FAN1: variants seen among roughly 807,000 people sequenced by gnomAD.
FAN1 encodes FANCD2 and FANCI associated nuclease 1.
A neutral mutation model predicts 104.9 loss-of-function variants in FAN1; 91 were observed. That is an observed-to-expected ratio of 0.87 (90% confidence interval 0.73 to 1.03). The LOEUF is 1.03. Ranked by LOEUF, FAN1 falls within the 50% of genes least tolerant of loss-of-function variation. FAN1 has a pLI of 0.00. For missense variants in FAN1, 1,263 were observed against 1,239.9 expected (o/e 1.02, Z -0.28); for synonymous variants, 478 against 457.6 (o/e 1.04, Z -0.57).
rs761516461 is a variant in FAN1, at chr15:30,913,967, G to A, written c.1687G>A (p.Ala563Thr). The A allele has an allele frequency of 9.3e-6, 15 of 1,614,112 alleles. No individual in the cohort carries two copies. In the South Asian group the frequency reaches 9.9e-5, roughly 11 times the overall value. The stretch of plus-strand genomic sequence containing the variant: ...GACCGACTCAATGGAAGATGAAGAC[G>A]CCGCTTGTGGAGGTCAGGGACAGCT... ...SLTDSMEDED[A>T]ACGGQGQLST... The change falls in exon 5 of 15, where the codon GCC becomes ACC. Residue 563 changes from alanine (A) to threonine (T), a missense_variant. Physicochemically the swap from Ala to Thr is moderately conservative, Grantham distance 58 (BLOSUM62 0). Transcript: ENST00000362065.
At chr15:30,922,209 A>G in intron 7 of FAN1, 26 bp from the exon 8 acceptor site, 2 of 1,597,424 alleles carry the variant, frequency 1.3e-6, no homozygotes, top group Non-Finnish European at 1.7e-6. Flanking sequence ...GAATCTAATG[A>G]GGTTTCTTTG....
Position 30,928,613 on chromosome 15 carries a change from T to A in FAN1, c.2549T>A (p.Ile850Asn). Residue 850 changes from isoleucine to asparagine, a missense_variant, in exon 11 of 15, where the codon ATC becomes AAC. Transcript: ENST00000362065. ...TLYGLLLWDI[I>N]FMDGIPDVFR... ...TATGGCCTCCTCCTGTGGGACATCA[T>A]CTTCATGGATGGGATTCCGGATGTC... The A allele has an allele frequency of 6.2e-7, 1 of 1,613,360 alleles. No homozygotes were observed. Among genetic ancestry groups the A allele is most frequent in the Non-Finnish European group, 8.5e-7 (1 of 1,179,856 alleles).
chr15:30,927,443 GA>G (rs2062493509), intron 10 of FAN1: 1 of 985,536 alleles, frequency 1.0e-6, no homozygotes, highest in African/African-American at 1.7e-5. Flanking sequence ...CTGCAGGGAT[GA>G]GGGGCTAGAA....
At chr15:30,935,309 AAAAAAAAG>A (rs1241880449) in intron 13 of FAN1, among the ~76,000 whole-genome samples, 5 of 151,890 alleles carry the variant, frequency 3.3e-5, no homozygotes, top group African/African-American at 1.2e-4. Flanking sequence ...CCTTGTCTCA[AAAAAAAAG>A]AAAAAAAGAA....
chr15:30,924,211 T>C (rs1218308042), intron 8 of FAN1, among the ~76,000 whole-genome samples: 2 of 152,246 alleles, frequency 1.3e-5, no homozygotes, highest in Non-Finnish European at 2.9e-5. Flanking sequence ...ACACTTCCAC[T>C]GTAGCATCTG....
In FAN1 at chr15:30,941,868, G is replaced by A. The variant is rs2140986766; in HGVS notation, c.*306G>A. On this transcript the variant is annotated 3_prime_UTR_variant, in exon 15 of 15. Transcript: ENST00000362065. Reference sequence around the variant, plus strand: ...ATGTGTGTTCCAGAGACACGTGGCAGAATAACACCGTGCAGGTTGGCGGGT... The same window carrying A: ...ATGTGTGTTCCAGAGACACGTGGCAAAATAACACCGTGCAGGTTGGCGGGT... 9 of 1,614,056 alleles carry A rather than the reference G, an allele frequency of 5.6e-6. No individual in the cohort carries two copies. The East Asian group carries it at 2.0e-4, about 36-fold the overall frequency.
chr15:30,929,805 A>T (rs1231019156), intron 12 of FAN1, among the ~76,000 whole-genome samples: 1 of 72,406 alleles, frequency 1.4e-5, no homozygotes, highest in African/African-American at 7.3e-5. Context: ...ATAATATATA[A>T]AATATATAAT....
chr15:30,927,378 G>A (rs1358294790), intron 10 of FAN1: 1 of 985,530 alleles, frequency 1.0e-6, no homozygotes, highest in Non-Finnish European at 1.2e-6. Flanking sequence ...TGGAAGACTT[G>A]GCAACAGCCA....
At position 30,942,109 on chromosome 15, in the gene FAN1, C is replaced by T. The variant is rs1442433609; in HGVS notation, c.*547C>T. ...AGATTTTATTATGTTCCGGGGATTC[C>T]CTTTTTAGAAAGATTGAAGGATGCA... On this transcript the variant is annotated 3_prime_UTR_variant, in exon 15 of 15. Coordinates refer to ENST00000362065, the MANE Select transcript of FAN1 (RefSeq NM_014967.5). 6.4e-7 allele frequency: 1 copy of T among 1,570,232 alleles called. No homozygotes were observed. Among genetic ancestry groups the T allele is most frequent in the East Asian group, 2.3e-5 (1 of 44,366 alleles).
In FAN1 at chr15:30,942,374, G is replaced by T; in HGVS notation, c.*812G>T. 1 of 440,360 alleles carries T rather than the reference G, an allele frequency of 2.3e-6. No individual in the cohort carries two copies. The highest frequency in any genetic ancestry group is 4.0e-6 in the Non-Finnish European group (1 of 248,334). The allele number at this position is 440,360 out of a possible 1,614,324, so 27.3% of individuals were successfully genotyped here. ...ACGGGCTAGAAAAAACACTAGACCT[G>T]GCCGATTCTATCAAGAACAATGGCA... On this transcript the variant is annotated 3_prime_UTR_variant, in exon 15 of 15. Coordinates refer to ENST00000362065, the MANE Select transcript of FAN1 (RefSeq NM_014967.5).
intron 12 of FAN1, among the ~76,000 whole-genome samples, chr15:30,930,014 AAT>A (rs1177190641): frequency 1.5e-5 from 2 of 137,116 alleles, no homozygotes; most frequent in Non-Finnish European, 3.0e-5. Context: ...TAATGTATAA[AAT>A]ATATAATAAT....
chr15:30,929,131 T>C (rs1013013543), intron 11 of FAN1, 72 bp from the exon 12 acceptor site: 10 of 1,360,270 alleles, frequency 7.4e-6, no homozygotes, highest in Non-Finnish European at 9.2e-6. Context: ...GTTTTGTATG[T>C]ACTGACTAGT....
intron 5 of FAN1, among the ~76,000 whole-genome samples, chr15:30,915,823 A>G (rs2062187978): frequency 6.6e-6 from 1 of 151,208 alleles, no homozygotes; most frequent in South Asian, 2.1e-4. Context: ...AGGAAAAAAA[A>G]TTTGGATTTC....
At chr15:30,905,998 A>G in intron 2 of FAN1, 101 bp downstream of exon 2, 1 of 1,156,566 alleles carries the variant, frequency 8.6e-7, no homozygotes, top group Non-Finnish European at 1.2e-6. Context: ...GCAAGGAGTC[A>G]CTGTGGTGTT....
rs2063105979 is a variant in FAN1, at chr15:30,943,059, C to T, written c.*1497C>T. 3 of 1,532,288 alleles carry T rather than the reference C, an allele frequency of 2.0e-6. No individual in the cohort carries two copies. Among genetic ancestry groups the T allele is most frequent in the Non-Finnish European group, 2.6e-6 (3 of 1,141,992 alleles). 94.9% of individuals were successfully genotyped at this position (1,532,288 alleles called of 1,614,324 possible). ...CTCATCACCCAATTGGATGTTTTTG[C>T]TTATAGCAAATTCCTGCAAAATAAA... On this transcript the variant is annotated 3_prime_UTR_variant, in exon 15 of 15. Coordinates refer to ENST00000362065, the MANE Select transcript of FAN1 (RefSeq NM_014967.5).
chr15:30,935,496 C>G (rs1479076213), intron 13 of FAN1, among the ~76,000 whole-genome samples: 2 of 151,938 alleles, frequency 1.3e-5, no homozygotes, highest in Non-Finnish European at 2.9e-5. Context: ...AATAAAAATA[C>G]AGCATAACAA....
chr15:30,942,765 C>T lies in FAN1; in HGVS notation c.*1203C>T, dbSNP rs2063096659. 2.1e-6 allele frequency: 2 copies of T among 970,926 alleles called. No individual in the cohort carries two copies. Among genetic ancestry groups the T allele is most frequent in the Non-Finnish European group, 2.9e-6 (2 of 682,184 alleles). 60.1% of individuals were successfully genotyped at this position (970,926 alleles called of 1,614,324 possible). On this transcript the variant is annotated 3_prime_UTR_variant, in exon 15 of 15. Transcript: ENST00000362065. ...TCATTTGAGTTAAAAAGGGAATGAC[C>T]CCTCAGAAACCCGCATTAGCAGTGT...
Position 30,918,198 on chromosome 15 carries a change from T to G in FAN1, c.1846T>G (p.Ser616Ala), listed in dbSNP as rs1236329070. ...AGCCACGCACATGCTGAGTGACATT[T>G]CTTCCGCAATGGCCAATGGGAACTG... is the stretch of plus-strand genomic sequence containing the variant. ...AAATHMLSDI[S>A]SAMANGNWEE... The change falls in exon 6 of 15, where the codon TCT becomes GCT. Residue 616 changes from serine (S) to alanine (A), a missense_variant. Physicochemically the swap from Ser to Ala is moderately conservative, Grantham distance 99 (BLOSUM62 1). Around this residue, in one of 2 missense-constraint regions of FAN1, gnomAD observed 581 missense variants for 668.8 expected, o/e 0.87. Coordinates refer to ENST00000362065, the MANE Select transcript of FAN1 (RefSeq NM_014967.5). 1 of 1,614,086 alleles carries G rather than the reference T, an allele frequency of 6.2e-7. No individual in the cohort carries two copies. The highest frequency in any genetic ancestry group is 1.1e-5 in the South Asian group (1 of 91,074).
rs926968640 is a variant in FAN1 at position 30,913,878 on chromosome 15, A to G, written c.1598A>G (p.Gln533Arg). The change falls in exon 5 of 15, where the codon CAG becomes CGG. Residue 533 changes from glutamine (Q) to arginine (R), a missense_variant. Physicochemically the swap from Gln to Arg is conservative, Grantham distance 43. Around this residue, in one of 2 missense-constraint regions of FAN1, gnomAD observed 581 missense variants for 668.8 expected, o/e 0.87. Transcript: ENST00000362065. ...TTCAGAGCCAAAGCCTTGGCTGGAC[A>G]GTCAGTACGAATCTGTAAAGGCCCC... ...ILKRAKALAG[Q>R]SVRICKGPRA... 4 of 1,612,836 alleles carry G rather than the reference A, an allele frequency of 2.5e-6. No homozygotes were observed. Among genetic ancestry groups the G allele is most frequent in the Non-Finnish European group, 3.4e-6 (4 of 1,179,386 alleles).
Sources: gnomAD v4.1 joint callset for allele counts (sites outside exome capture counted in the v4.1 genomes callset) on GRCh38, gnomAD v4.1.1 for gene constraint, gnomAD v4.1.1 regional missense constraint, MANE v1.5 for transcripts, NCBI Gene and HGNC (gene_info 2026-07-23, HGNC 2026-07-21) for gene names.